OR3A2: variants seen among roughly 807,000 people sequenced by gnomAD.
OR3A2 encodes the protein olfactory receptor family 3 subfamily A member 2, also known as olfactory receptor 3A2.
For synonymous variants in OR3A2, 126 were observed against 159.3 expected, an observed-to-expected ratio of 0.79 and a Z score of 1.57; for missense variants, 318 against 392.8, an observed-to-expected ratio of 0.81 and a Z score of 1.61.
chr17:3,372,716 C>T (rs994147157), intron 2 of OR3A2, among the ~76,000 whole-genome samples: 2 of 151,660 alleles, frequency 1.3e-5, no homozygotes, highest in Admixed American at 6.6e-5. Context: ...CGCAGGCACT[C>T]GGCAGGCTGA....
At chr17:3,371,664 C>G (rs2049623573) in intron 2 of OR3A2, among the ~76,000 whole-genome samples, 1 of 139,564 alleles carries the variant, frequency 7.2e-6, no homozygotes, top group Admixed American at 6.9e-5. Context: ...CGCCCCTCAC[C>G]TCCCGGACGG....
chr17:3,299,474 C>T (rs1398763993), intron 3 of OR3A2, among the ~76,000 whole-genome samples: 2 of 152,126 alleles, frequency 1.3e-5, no homozygotes, highest in African/African-American at 4.8e-5. Flanking sequence ...TAGGAGGGAC[C>T]AAGGGGTCCT....
chr17:3,342,234 T>C (rs2049325128), intron 2 of OR3A2, among the ~76,000 whole-genome samples: 1 of 152,174 alleles, frequency 6.6e-6, no homozygotes, highest in Admixed American at 6.5e-5. Context: ...TCAGAGAAGT[T>C]TGTTATTACC....
At chr17:3,291,970 C>T (rs1363000807) in intron 3 of OR3A2, 1 of 1,614,204 alleles carries the variant, frequency 6.2e-7, no homozygotes, top group South Asian at 1.1e-5. Context: ...ATAAAACCCA[C>T]AGCAAAAAGC....
rs149110885 is a variant in OR3A2, at chr17:3,343,354, C to G, written c.-178-7228G>C. Reference sequence around the variant, plus strand: ...TCTTCTGTGTCGATCATGCTGGAAGCTGTAGACCAGAGCTGTTCCTATTCA... The same window carrying G: ...TCTTCTGTGTCGATCATGCTGGAAGGTGTAGACCAGAGCTGTTCCTATTCA... On this transcript the variant is annotated intron_variant, in intron 2 of 4. Transcript: ENST00000573491. 1.7e-3 allele frequency among the ~76,000 whole-genome samples: 258 copies of G among 152,312 alleles called. 2 individuals are homozygous for G. Among genetic ancestry groups the G allele is most frequent in the Middle Eastern group, 6.8e-3 (2 of 294 alleles).
rs966265464 is a variant in OR3A2 at position 3,291,750 on chromosome 17, C to T, written c.-84-12597G>A. ...GGGATTGATGACAGTGTTGAAAATT[C>T]CAACAGCTTTATCCTTGTCTGAAAG... is the stretch of plus-strand genomic sequence containing the variant. On this transcript the variant is annotated intron_variant, in intron 3 of 4. Transcript: ENST00000573491. 5.6e-6 allele frequency: 9 copies of T among 1,613,758 alleles called. No individual in the cohort carries two copies. The South Asian group carries it at 7.7e-5, about 14-fold the overall frequency.
intron 2 of OR3A2, among the ~76,000 whole-genome samples, chr17:3,357,662 A>G (rs960207337): frequency 6.6e-6 from 1 of 151,516 alleles, no homozygotes; most frequent in Non-Finnish European, 1.5e-5. Flanking sequence ...AACATTGTGA[A>G]TGTATCAGTG....
intron 3 of OR3A2, among the ~76,000 whole-genome samples, chr17:3,328,389 A>C (rs2049195748): frequency 1.2e-5 from 1 of 86,246 alleles, no homozygotes; most frequent in Non-Finnish European, 2.1e-5. Flanking sequence ...AATGCTTGTG[A>C]TTTTTGTACA....
chr17:3,298,984 C>A (rs2048942437), intron 3 of OR3A2, among the ~76,000 whole-genome samples: 1 of 152,170 alleles, frequency 6.6e-6, no homozygotes, highest in Non-Finnish European at 1.5e-5. Flanking sequence ...AATAATGATG[C>A]CTTATGACTT....
chr17:3,325,507 G>C (rs1304896967), intron 3 of OR3A2, among the ~76,000 whole-genome samples: 1 of 151,882 alleles, frequency 6.6e-6, no homozygotes, highest in Non-Finnish European at 1.5e-5. Context: ...ACCCCACCCT[G>C]CCTGTTCTAA....
intron 3 of OR3A2, among the ~76,000 whole-genome samples, chr17:3,321,311 C>G (rs956542071): frequency 3.9e-5 from 6 of 152,272 alleles, no homozygotes; most frequent in Non-Finnish European, 7.3e-5. Flanking sequence ...GATATACAAT[C>G]ATGTCATCTG....
chr17:3,292,332 A>G, intron 3 of OR3A2: 2 of 1,614,134 alleles, frequency 1.2e-6, no homozygotes, highest in Non-Finnish European at 1.7e-6. Flanking sequence ...ACGACTCAAC[A>G]TTGATGGAAC....
At chr17:3,292,177 T>C in intron 3 of OR3A2, 2 of 1,614,062 alleles carry the variant, frequency 1.2e-6, no homozygotes, top group Non-Finnish European at 1.7e-6. Flanking sequence ...ATGCGGGTGC[T>C]GTAGGTGAGG....
chr17:3,289,833 A>G (rs1159677175), intron 3 of OR3A2, among the ~76,000 whole-genome samples: 1 of 152,004 alleles, frequency 6.6e-6, no homozygotes, highest in East Asian at 1.9e-4. Context: ...AAGAAGACTC[A>G]CTCTTTGTGT....
At chr17:3,331,121 CCTTT>C (rs2049228857) in intron 3 of OR3A2, among the ~76,000 whole-genome samples, 1 of 152,166 alleles carries the variant, frequency 6.6e-6, no homozygotes, top group African/African-American at 2.4e-5. Context: ...GGTAACCCGA[CCTTT>C]CTCTCTGGCT....
rs564376107 is a variant in OR3A2, at chr17:3,359,444, A to G, written c.-178-23318T>C. ...CCTTTCTATATTTAGTGCTCATTTCAAGATCTCTTGTAAGGCAGATCTGGT... is the reference window on the plus strand; with the variant it reads ...CCTTTCTATATTTAGTGCTCATTTCGAGATCTCTTGTAAGGCAGATCTGGT... On this transcript the variant is annotated intron_variant, in intron 2 of 4. Transcript: ENST00000573491. Among the ~76,000 whole-genome samples the G allele has an allele frequency of 3.4e-4, 51 of 151,818 alleles. 1 individual carries two copies. Among genetic ancestry groups the G allele is most frequent in the African/African-American group, 1.1e-3 (46 of 41,106 alleles).
At chr17:3,319,629 G>A (rs542496826) in intron 3 of OR3A2, among the ~76,000 whole-genome samples, 5 of 152,076 alleles carry the variant, frequency 3.3e-5, no homozygotes, top group Admixed American at 1.3e-4. Context: ...TGAGGTGTTC[G>A]GTTTTCTGTT....
intron 2 of OR3A2, among the ~76,000 whole-genome samples, chr17:3,353,890 C>T (rs2049441476): frequency 1.4e-5 from 2 of 143,832 alleles, no homozygotes; most frequent in Non-Finnish European, 1.5e-5. Flanking sequence ...ACTGTGCTAT[C>T]AAATAGTGGT....
intron 3 of OR3A2, among the ~76,000 whole-genome samples, chr17:3,303,076 A>T (rs2048977121): frequency 6.6e-6 from 1 of 152,176 alleles, no homozygotes; most frequent in Non-Finnish European, 1.5e-5. Flanking sequence ...GATCAGTAGG[A>T]AAGGACAAGT....
Sources: gnomAD v4.1 joint callset for allele counts (sites outside exome capture counted in the v4.1 genomes callset) on GRCh38, gnomAD v4.1.1 for gene constraint, MANE v1.5 for transcripts, NCBI Gene and HGNC (gene_info 2026-07-23, HGNC 2026-07-21) for gene names.